ANGPT4: variants seen among roughly 807,000 people sequenced by gnomAD.
ANGPT4 encodes the protein angiopoietin-4.
Under a neutral mutation model 53.0 loss-of-function variants are expected in ANGPT4, and 50 were observed. The observed-to-expected ratio is 0.94, with a 90% confidence interval of 0.75 to 1.20. The LOEUF (loss-of-function observed/expected upper bound fraction) is 1.20. Ranked by LOEUF, ANGPT4 falls within the 50% of genes most tolerant of loss-of-function variation. The probability of loss-of-function intolerance (pLI) is 0.00; values close to 1 mark genes in which losing one functional copy is unlikely to be tolerated. For missense variants in ANGPT4, 648 were observed against 637.1 expected (o/e 1.02, Z -0.18); for synonymous variants, 251 against 259.7 (o/e 0.97, Z 0.32).
At position 908,672 on chromosome 20, in the gene ANGPT4, C is replaced by A. The variant is rs1393551870; in HGVS notation, c.309+7234G>T. Among the ~76,000 whole-genome samples the A allele has an allele frequency of 6.6e-6, 1 of 152,094 alleles. No homozygotes were observed. Among genetic ancestry groups the A allele is most frequent in the African/African-American group, 2.4e-5 (1 of 41,392 alleles). On this transcript the variant is annotated intron_variant, in intron 1 of 8. Transcript: ENST00000381922. The surrounding 1 kb of genome is among the most constrained non-coding windows in gnomAD (Gnocchi z 4.9). ...TGCATGGCGCCTGGCGCATTGTAAG[C>A]CCTCAATAAACAGTGGTGGAAGGGA...
At chr20:873,192 G>A in intron 8 of ANGPT4, 72 bp from the exon 9 acceptor site, 1 of 1,448,824 alleles carries the variant, frequency 6.9e-7, no homozygotes, top group Non-Finnish European at 9.3e-7. Context: ...CAGCCCCTGT[G>A]TCCCAAAGAG....
At chr20:892,112 G>C (rs1040970498) in intron 1 of ANGPT4, among the ~76,000 whole-genome samples, 4 of 147,510 alleles carry the variant, frequency 2.7e-5, no homozygotes, top group Non-Finnish European at 4.5e-5. Flanking sequence ...ACACAAACAT[G>C]CGCTAACAGC....
chr20:889,702 C>T (rs1294106844), intron 2 of ANGPT4, among the ~76,000 whole-genome samples: 3 of 152,112 alleles, frequency 2.0e-5, no homozygotes, highest in African/African-American at 7.2e-5. Flanking sequence ...TCTTCTCAAG[C>T]AGTGCCTGGC....
intron 1 of ANGPT4, among the ~76,000 whole-genome samples, chr20:893,377 G>A (rs949417006): frequency 3.9e-5 from 6 of 152,210 alleles, no homozygotes; most frequent in Admixed American, 2.0e-4. Flanking sequence ...TGCTATGCCT[G>A]ATCACAGATT....
At chr20:910,878 G>A (rs1444619233) in intron 1 of ANGPT4, among the ~76,000 whole-genome samples, 1 of 152,130 alleles carries the variant, frequency 6.6e-6, no homozygotes, top group African/African-American at 2.4e-5. Context: ...GAGGGTATCT[G>A]TGCCAGCTGT....
At chr20:907,551 T>C (rs1982521137) in intron 1 of ANGPT4, among the ~76,000 whole-genome samples, 1 of 152,216 alleles carries the variant, frequency 6.6e-6, no homozygotes, top group African/African-American at 2.4e-5. Context: ...ACATGCTTAT[T>C]GAACAGTTAT....
intron 1 of ANGPT4, among the ~76,000 whole-genome samples, chr20:892,609 A>AT (rs1981891008): frequency 1.3e-5 from 2 of 150,798 alleles, no homozygotes; most frequent in Non-Finnish European, 1.5e-5. Context: ...AAAAAAAAAA[A>AT]GTATAGAGAA....
intron 4 of ANGPT4, among the ~76,000 whole-genome samples, chr20:881,662 A>G (rs980169077): frequency 1.3e-5 from 2 of 152,178 alleles, no homozygotes; most frequent in Non-Finnish European, 2.9e-5. Flanking sequence ...TGCTTGCTGT[A>G]TGATGCAACT....
At position 873,126 on chromosome 20, in the gene ANGPT4, G is replaced by A; in HGVS notation, c.1352-6C>T. The A allele has an allele frequency of 6.2e-7, 1 of 1,613,398 alleles. No homozygotes were observed. ...ACAGGCGTCAAACCACCACCCTGGT[G>A]GAAGAGGGAGGACAGGCGCTTGGTG... On this transcript the variant is annotated splice_region_variant and splice_polypyrimidine_tract_variant and intron_variant, in intron 8 of 8. Transcript: ENST00000381922.
chr20:908,720 A>G lies in ANGPT4; in HGVS notation c.309+7186T>C, dbSNP rs1982579088. 6.6e-6 allele frequency among the ~76,000 whole-genome samples: 1 copy of G among 150,566 alleles called. No homozygotes were observed. The highest frequency in any genetic ancestry group is 1.5e-5 in the Non-Finnish European group (1 of 67,646). On this transcript the variant is annotated intron_variant, in intron 1 of 8. Transcript: ENST00000381922. This position sits in a 1 kb window ranked among gnomAD's most constrained non-coding sequence, Gnocchi z 4.9. ...GGACAATTAAATGAATGCAGGAATG[A>G]ATATTCTTACCTGACAAACTAAGTT...
chr20:891,881 C>T (rs1309148595), intron 1 of ANGPT4, among the ~76,000 whole-genome samples: 3 of 152,156 alleles, frequency 2.0e-5, no homozygotes, highest in Admixed American at 6.5e-5. Flanking sequence ...TCAGCATCAG[C>T]TGAGCTCATT....
chr20:901,345 C>T, intron 1 of ANGPT4, among the ~76,000 whole-genome samples: 1 of 152,162 alleles, frequency 6.6e-6, no homozygotes, highest in Non-Finnish European at 1.5e-5. Context: ...TACCTTGTGA[C>T]ATTCCTTCTC....
intron 1 of ANGPT4, among the ~76,000 whole-genome samples, chr20:906,436 G>C (rs901153085): frequency 6.6e-5 from 10 of 152,198 alleles, no homozygotes; most frequent in Non-Finnish European, 2.9e-5. Context: ...TTGTTAAGTT[G>C]CTTCAGAATT....
chr20:912,990 A>G (rs1038132257), intron 1 of ANGPT4, among the ~76,000 whole-genome samples: 1 of 152,094 alleles, frequency 6.6e-6, no homozygotes, highest in African/African-American at 2.4e-5. Context: ...TCACCTGTAC[A>G]CTGGGGGAAC....
In ANGPT4 at chr20:906,202, G is replaced by A. The variant is rs901818719; in HGVS notation, c.309+9704C>T. On this transcript the variant is annotated intron_variant, in intron 1 of 8. Transcript: ENST00000381922. ...GTGTCTTCTGTCTTGCCCTCTCTTG[G>A]ACCACACGCTTTAGAGGAAGTAGGC... 3.3e-5 allele frequency among the ~76,000 whole-genome samples: 5 copies of A among 152,134 alleles called. No homozygotes were observed. In the East Asian group the frequency reaches 9.7e-4, roughly 29 times the overall value.
intron 1 of ANGPT4, among the ~76,000 whole-genome samples, chr20:904,819 CAG>C (rs1402970310): frequency 6.6e-6 from 1 of 152,072 alleles, no homozygotes; most frequent in Non-Finnish European, 1.5e-5. Context: ...TTGTAGAGAC[CAG>C]GGTCTTGCTT....
rs142137673 is a variant in ANGPT4 at position 900,031 on chromosome 20, A to G, written c.310-9663T>C. ...AAGGCAAATGGTTCTTGGACTAAGG[A>G]AAATTCCTCCTTCCAGCCTCACAGG... On this transcript the variant is annotated intron_variant, in intron 1 of 8. Coordinates refer to ENST00000381922, the MANE Select transcript of ANGPT4 (RefSeq NM_015985.4). Among the ~76,000 whole-genome samples the G allele has an allele frequency of 3.6e-3, 542 of 152,332 alleles. 4 individuals carry two copies. The highest frequency in any genetic ancestry group is 0.012 in the African/African-American group (491 of 41,566).
intron 1 of ANGPT4, among the ~76,000 whole-genome samples, chr20:903,994 A>G (rs1358583761): frequency 6.6e-6 from 1 of 152,230 alleles, no homozygotes; most frequent in Non-Finnish European, 1.5e-5. Context: ...GGCTGTACAC[A>G]GGAGCTAATG....
At chr20:910,760 A>T (rs1012481216) in intron 1 of ANGPT4, among the ~76,000 whole-genome samples, 12 of 152,086 alleles carry the variant, frequency 7.9e-5, no homozygotes, top group African/African-American at 2.9e-4. Context: ...CAGTTGAACA[A>T]ATAAACCCGT....
Sources: gnomAD v4.1 joint callset for allele counts (sites outside exome capture counted in the v4.1 genomes callset) on GRCh38, gnomAD v4.1.1 for gene constraint, Gnocchi (gnomAD v3.1) non-coding constraint, MANE v1.5 for transcripts, NCBI Gene and HGNC (gene_info 2026-07-23, HGNC 2026-07-21) for gene names.